Variants in FBLN2 observed in about 807,000 individuals in gnomAD.
The protein encoded by FBLN2 is fibulin-2.
Under a neutral mutation model 123.7 loss-of-function variants are expected in FBLN2, and 81 were observed. The ratio of observed to expected loss-of-function variants is 0.65; its 90% CI spans 0.55 to 0.79. The LOEUF (loss-of-function observed/expected upper bound fraction) is 0.79. Ranked by LOEUF, FBLN2 falls within the 30% of genes least tolerant of loss-of-function variation. The pLI is 0.00. For synonymous variants in FBLN2, 699 were observed against 701.4 expected, an observed-to-expected ratio of 1.00 and a Z score of 0.05; for missense variants, 1,603 against 1,681.3, an observed-to-expected ratio of 0.95 and a Z score of 0.81.
At chr3:13,595,079 G>A (rs76247161) in intron 2 of FBLN2, among the ~76,000 whole-genome samples, 4,093 of 152,262 alleles carry the variant, frequency 0.027, 191 homozygotes, top group African/African-American at 0.093. Flanking sequence ...TGCAAAATGG[G>A]GGCTGAGGCT....
At chr3:13,607,454 G>C (rs1223588404) in intron 2 of FBLN2, among the ~76,000 whole-genome samples, 2 of 152,312 alleles carry the variant, frequency 1.3e-5, no homozygotes, top group Non-Finnish European at 2.9e-5. Flanking sequence ...AGGAGGGGCT[G>C]GTCTTGCTGT....
intron 2 of FBLN2, among the ~76,000 whole-genome samples, chr3:13,572,636 T>C (rs1704000550): frequency 6.6e-6 from 1 of 152,270 alleles, no homozygotes; most frequent in African/African-American, 2.4e-5. Flanking sequence ...CCCAGGCCTC[T>C]TCTTGCCCAT....
At chr3:13,618,770 C>T (rs1456770613) in intron 6 of FBLN2, 134 bp from the exon 7 acceptor site, 2 of 656,700 alleles carry the variant, frequency 3.0e-6, no homozygotes, top group East Asian at 5.4e-5. Context: ...ACCTCATTTT[C>T]CTCTCCTGTG....
At chr3:13,592,753 G>T (rs1039606042) in intron 2 of FBLN2, among the ~76,000 whole-genome samples, 4 of 152,138 alleles carry the variant, frequency 2.6e-5, no homozygotes, top group African/African-American at 9.7e-5. Flanking sequence ...ATTGCAAATT[G>T]TATTGATTTT....
At chr3:13,634,604 A>T (rs1217003061) in intron 16 of FBLN2, among the ~76,000 whole-genome samples, 1 of 152,206 alleles carries the variant, frequency 6.6e-6, no homozygotes, top group East Asian at 1.9e-4. Flanking sequence ...CGAGTGAATA[A>T]TCAGCAGCCT....
At chr3:13,582,873 A>G (rs1446036782) in intron 2 of FBLN2, among the ~76,000 whole-genome samples, 1 of 152,206 alleles carries the variant, frequency 6.6e-6, no homozygotes, top group African/African-American at 2.4e-5. Flanking sequence ...TGTTTCTTCA[A>G]ACAGATGTAG....
Position 13,570,990 on chromosome 3 carries a change from T to TG in FBLN2, c.641dup (p.Glu215Ter). ...GCCGAGGTGGAAGCAGCAACAGCCC[T>TG]GGGGGGTGAGGTCCAGGCGGGTGCA... On this transcript the variant is annotated frameshift_variant, in exon 2 of 18. Transcript: ENST00000404922. LOFTEE classifies it high-confidence loss of function. 6.2e-7 allele frequency: 1 copy of TG among 1,607,700 alleles called. No homozygotes were observed. Among genetic ancestry groups the TG allele is most frequent in the Non-Finnish European group, 8.5e-7 (1 of 1,177,346 alleles).
chr3:13,613,874 C>T, intron 4 of FBLN2, 110 bp from the exon 5 acceptor site: 1 of 1,244,088 alleles, frequency 8.0e-7, no homozygotes, highest in East Asian at 2.5e-5. Context: ...CATAGTCTGG[C>T]AGAGGAGATA....
At chr3:13,594,001 G>A (rs1420703258) in intron 2 of FBLN2, among the ~76,000 whole-genome samples, 1 of 152,324 alleles carries the variant, frequency 6.6e-6, no homozygotes, top group East Asian at 1.9e-4. Context: ...GAGTTGAGCT[G>A]AGTTACAGTT....
intron 9 of FBLN2, among the ~76,000 whole-genome samples, chr3:13,625,548 C>T (rs763859304): frequency 1.1e-3 from 171 of 152,264 alleles, no homozygotes; most frequent in Non-Finnish European, 1.7e-3. Flanking sequence ...CCTTCCCCTG[C>T]AGCCTACACC....
chr3:13,584,048 G>A lies in FBLN2; in HGVS notation c.1306+12387G>A, dbSNP rs3773285. ...AACAGCTTGTTGGAAAGTGGGGGCC[G>A]TGGGGACCAGAGACTGTACCTAGAA... On this transcript the variant is annotated intron_variant, in intron 2 of 17. Transcript: ENST00000404922. Among the ~76,000 whole-genome samples, 1,741 of 152,320 alleles carry A rather than the reference G, an allele frequency of 0.011. 169 individuals are homozygous for A. In the East Asian group the frequency reaches 0.24, roughly 21 times the overall value.
intron 9 of FBLN2, among the ~76,000 whole-genome samples, chr3:13,625,580 A>G: frequency 6.6e-6 from 1 of 151,588 alleles, no homozygotes; most frequent in East Asian, 2.0e-4. Context: ...CCTCACTGCC[A>G]CCTGTCCAGC....
chr3:13,560,155 A>G (rs1270190699), intron 1 of FBLN2, among the ~76,000 whole-genome samples: 1 of 152,176 alleles, frequency 6.6e-6, no homozygotes, highest in Non-Finnish European at 1.5e-5. Context: ...TCACGTGCTT[A>G]TGTTGGTAAT....
intron 2 of FBLN2, among the ~76,000 whole-genome samples, chr3:13,606,514 G>GACC (rs1184446622): frequency 6.6e-6 from 1 of 152,202 alleles, no homozygotes; most frequent in African/African-American, 2.4e-5. Flanking sequence ...GAGGGGTGCT[G>GACC]ACCCGACTAA....
intron 1 of FBLN2, among the ~76,000 whole-genome samples, chr3:13,561,892 T>A (rs1436299977): frequency 6.6e-6 from 1 of 152,242 alleles, no homozygotes; most frequent in Non-Finnish European, 1.5e-5. Context: ...TTACTACTTA[T>A]GTGGCCTTGG....
intron 9 of FBLN2, among the ~76,000 whole-genome samples, chr3:13,623,265 C>A (rs200476596): frequency 2.0e-5 from 3 of 152,244 alleles, no homozygotes; most frequent in East Asian, 3.9e-4. Context: ...ACGAGCACCC[C>A]TCCCATGATG....
intron 9 of FBLN2, among the ~76,000 whole-genome samples, chr3:13,623,170 C>T (rs979721966): frequency 1.3e-5 from 2 of 152,230 alleles, no homozygotes; most frequent in African/African-American, 2.4e-5. Context: ...GCCTCCTGAC[C>T]CTGCTTGCCA....
chr3:13,611,996 A>G (rs2124883695), intron 4 of FBLN2, among the ~76,000 whole-genome samples: 1 of 152,344 alleles, frequency 6.6e-6, no homozygotes, highest in Middle Eastern at 3.4e-3. Flanking sequence ...ACCTTCCAGA[A>G]GGGACCTCAT....
intron 1 of FBLN2, among the ~76,000 whole-genome samples, chr3:13,558,780 C>G (rs55823570): frequency 1.5e-4 from 1 of 6,562 alleles, no homozygotes. Context: ...CATCCATCCA[C>G]CCATCCACCC....
Sources: gnomAD v4.1 joint callset for allele counts (sites outside exome capture counted in the v4.1 genomes callset) on GRCh38, gnomAD v4.1.1 for gene constraint, MANE v1.5 for transcripts, NCBI Gene and HGNC (gene_info 2026-07-23, HGNC 2026-07-21) for gene names.